Variants in KMO observed in about 807,000 individuals in gnomAD.
KMO encodes kynurenine 3-monooxygenase, also known as kynurenine 3-hydroxylase.
A neutral mutation model predicts 57.8 loss-of-function variants in KMO; 24 were observed. The observed-to-expected ratio is 0.42, with a 90% confidence interval of 0.30 to 0.58. The LOEUF (loss-of-function observed/expected upper bound fraction) is 0.58, where lower values mean the gene tolerates loss of function less well. Ranked by LOEUF, KMO falls within the 20% of genes least tolerant of loss-of-function variation. The pLI is 0.22. For missense variants in KMO, 483 were observed against 588.2 expected (o/e 0.82, Z 1.85); for synonymous variants, 210 against 193.6 (o/e 1.08, Z -0.70).
At chr1:241,543,527 A>G (rs1172248728) in intron 1 of KMO, among the ~76,000 whole-genome samples, 1 of 152,094 alleles carries the variant, frequency 6.6e-6, no homozygotes, top group African/African-American at 2.4e-5. Flanking sequence ...CATTCGGGCT[A>G]TTCCCCGCTT....
At chr1:241,565,085 A>G in intron 8 of KMO, 27 bp downstream of exon 8, 1 of 1,320,340 alleles carries the variant, frequency 7.6e-7, no homozygotes, top group Non-Finnish European at 1.1e-6. Flanking sequence ...TATCAACTGT[A>G]ATTTTGCATT....
intron 2 of KMO, 21 bp downstream of exon 2, chr1:241,548,919 G>T: frequency 6.4e-7 from 1 of 1,556,368 alleles, no homozygotes; most frequent in Non-Finnish European, 8.9e-7. Context: ...GGTGAAAAAA[G>T]CAGGATGAAC....
chr1:241,573,113 T>C (rs1430963462), intron 10 of KMO, among the ~76,000 whole-genome samples: 1 of 152,106 alleles, frequency 6.6e-6, no homozygotes, highest in Non-Finnish European at 1.5e-5. Context: ...TGCAAGTGTC[T>C]TTTTTGGTAT....
In KMO at chr1:241,560,308, A is replaced by C. The variant is rs112815826; in HGVS notation, c.362-357A>C. ...TATGAGGAAAGGAGTTTGACTGAAT[A>C]TTTCCAGTCACAACAAAGCCTCGGA... On this transcript the variant is annotated intron_variant, in intron 5 of 14. Coordinates refer to ENST00000366559, the MANE Select transcript of KMO (RefSeq NM_003679.5). 1.5e-3 allele frequency among the ~76,000 whole-genome samples: 230 copies of C among 152,326 alleles called. 4 individuals are homozygous for C. Among genetic ancestry groups the C allele is most frequent in the African/African-American group, 5.0e-3 (209 of 41,582 alleles).
chr1:241,555,322 C>T (rs1661572055), intron 4 of KMO, among the ~76,000 whole-genome samples: 1 of 152,124 alleles, frequency 6.6e-6, no homozygotes, highest in South Asian at 2.1e-4. Flanking sequence ...GTTTTTAAAA[C>T]AGAACTCTCT....
chr1:241,569,029 T>A (rs1307739502), intron 10 of KMO, among the ~76,000 whole-genome samples: 1 of 152,136 alleles, frequency 6.6e-6, no homozygotes, highest in African/African-American at 2.4e-5. Flanking sequence ...TAAAATTTTT[T>A]AATTATTATG....
intron 2 of KMO, among the ~76,000 whole-genome samples, chr1:241,549,119 A>G (rs1661271144): frequency 6.6e-6 from 1 of 151,588 alleles, no homozygotes; most frequent in Non-Finnish European, 1.5e-5. Context: ...CAGTGAGGCG[A>G]GATCATGCCA....
intron 4 of KMO, among the ~76,000 whole-genome samples, chr1:241,553,904 A>G (rs139882189): frequency 1.1e-4 from 17 of 152,300 alleles, no homozygotes; most frequent in African/African-American, 4.1e-4. Context: ...TACACCAAGT[A>G]TAGATTTAGC....
chr1:241,548,088 A>AACACACACAAACACACACACAC (rs139108754), intron 1 of KMO, among the ~76,000 whole-genome samples: 1 of 148,848 alleles, frequency 6.7e-6, no homozygotes, highest in Non-Finnish European at 1.5e-5. Flanking sequence ...AAACAAACAA[A>AACACACACAAACACACACACAC]ACACACACAC....
chr1:241,555,564 T>C (rs1398370734), intron 4 of KMO, 48 bp from the exon 5 acceptor site: 1 of 989,620 alleles, frequency 1.0e-6, no homozygotes, highest in South Asian at 1.3e-5. Context: ...AGAATTATAT[T>C]TGTCCATTCA....
intron 5 of KMO, among the ~76,000 whole-genome samples, chr1:241,557,857 T>C (rs989923326): frequency 5.9e-5 from 9 of 152,260 alleles, no homozygotes; most frequent in African/African-American, 1.9e-4. Flanking sequence ...ACAAAACAGC[T>C]TTTACAAAAA....
At chr1:241,586,794 C>T (rs1663009457) in intron 11 of KMO, 58 bp downstream of exon 11, 1 of 1,200,680 alleles carries the variant, frequency 8.3e-7, no homozygotes, top group Non-Finnish European at 1.2e-6. Flanking sequence ...TAATTGTGGG[C>T]TTATTTCTGA....
In KMO at chr1:241,594,536, G is replaced by C; in HGVS notation, c.*2383G>C. 3 of 1,614,138 alleles carry C rather than the reference G, an allele frequency of 1.9e-6. No homozygotes were observed. Among genetic ancestry groups the C allele is most frequent in the Non-Finnish European group, 2.5e-6 (3 of 1,179,988 alleles). ...TGATGATAAAAATGATGGAAGAAGAGTTGAAAGTCACTTTTTTCTTTGGCC... is the reference window on the plus strand; with the variant it reads ...TGATGATAAAAATGATGGAAGAAGACTTGAAAGTCACTTTTTTCTTTGGCC... On this transcript the variant is annotated 3_prime_UTR_variant, in exon 15 of 15. Transcript: ENST00000366559.
At chr1:241,549,366 AAGAT>A (rs141343592) in intron 2 of KMO, among the ~76,000 whole-genome samples, 1,750 of 151,894 alleles carry the variant, frequency 0.012, 39 homozygotes, top group African/African-American at 0.039. Context: ...GAAGGAAAGA[AAGAT>A]AGAAAGAAAG....
chr1:241,570,217 A>G (rs1662223925), intron 10 of KMO, among the ~76,000 whole-genome samples: 1 of 151,912 alleles, frequency 6.6e-6, no homozygotes, highest in Non-Finnish European at 1.5e-5. Flanking sequence ...TGCTTTGCAG[A>G]AACTTTTTTT....
intron 10 of KMO, among the ~76,000 whole-genome samples, chr1:241,580,163 A>C (rs148473302): frequency 6.6e-6 from 1 of 152,116 alleles, no homozygotes; most frequent in Non-Finnish European, 1.5e-5. Context: ...GCAGCAGCCT[A>C]TCTCTTCTTT....
In KMO at chr1:241,594,756, C is replaced by T. The variant is rs1477510119; in HGVS notation, c.*2603C>T. On this transcript the variant is annotated 3_prime_UTR_variant, in exon 15 of 15. Transcript: ENST00000366559. ...TTGGGCACTAATCTGGATTAACATT[C>T]GAGGAAATCAGTTGAGCTGAATTTA... The T allele has an allele frequency of 5.8e-6, 9 of 1,549,978 alleles. No individual in the cohort carries two copies. Among genetic ancestry groups the T allele is most frequent in the Admixed American group, 3.9e-5 (2 of 51,922 alleles).
chr1:241,568,358 G>C (rs1662156121), intron 9 of KMO, 142 bp from the exon 10 acceptor site: 1 of 780,962 alleles, frequency 1.3e-6, no homozygotes, highest in Non-Finnish European at 2.1e-6. Flanking sequence ...AAAAACTTCA[G>C]TTTTTCCCTT....
intron 10 of KMO, 47 bp downstream of exon 10, chr1:241,568,694 G>A (rs1662169695): frequency 9.5e-6 from 15 of 1,576,828 alleles, no homozygotes; most frequent in Non-Finnish European, 1.3e-5. Context: ...TTCTGGGTCA[G>A]TCTCAGCTAA....
Sources: allele counts gnomAD v4.1 joint callset (sites outside exome capture counted in the v4.1 genomes callset), GRCh38; gene constraint gnomAD v4.1.1; transcripts MANE v1.5; gene names NCBI Gene and HGNC (gene_info 2026-07-23, HGNC 2026-07-21).